THSD7A: variants seen among roughly 807,000 people sequenced by gnomAD.
THSD7A encodes the protein thrombospondin type-1 domain-containing protein 7A.
In THSD7A, 96 loss-of-function variants were observed where a neutral mutation model predicts 231.3. The observed-to-expected ratio is 0.41, with a 90% CI of 0.35 to 0.49. The LOEUF is 0.49. Ranked by LOEUF, THSD7A falls within the 20% of genes least tolerant of loss-of-function variation. The pLI, the probability that THSD7A is intolerant of heterozygous loss-of-function variation, is 0.05. For synonymous variants in THSD7A, 940 were observed against 743.3 expected, an observed-to-expected ratio of 1.26 and a Z score of -4.30; for missense variants, 2,290 against 2,070.2, an observed-to-expected ratio of 1.11 and a Z score of -2.06.
intron 11 of THSD7A, among the ~76,000 whole-genome samples, chr7:11,459,761 A>G (rs1283439613): frequency 1.4e-5 from 2 of 144,530 alleles, no homozygotes; most frequent in African/African-American, 5.0e-5. Flanking sequence ...CAGAAAATGA[A>G]GTCCCAGATC....
intron 1 of THSD7A, among the ~76,000 whole-genome samples, chr7:11,681,627 C>T (rs115473920): frequency 0.016 from 2,499 of 151,754 alleles, 73 homozygotes; most frequent in African/African-American, 0.058. Flanking sequence ...GAGAACAAAC[C>T]TACGACTCAC....
intron 6 of THSD7A, among the ~76,000 whole-genome samples, chr7:11,536,629 TAGG>T (rs1562695547): frequency 2.0e-5 from 3 of 152,182 alleles, no homozygotes; most frequent in African/African-American, 7.2e-5. Context: ...GGAATGGTTT[TAGG>T]AGCTCAAGAC....
At chr7:11,746,391 T>C (rs1278343539) in intron 1 of THSD7A, among the ~76,000 whole-genome samples, 1 of 151,872 alleles carries the variant, frequency 6.6e-6, no homozygotes, top group Non-Finnish European at 1.5e-5. Flanking sequence ...TCCACTGATG[T>C]CCTTTTTCTG....
chr7:11,770,535 G>C (rs1783188743), intron 1 of THSD7A, among the ~76,000 whole-genome samples: 1 of 152,074 alleles, frequency 6.6e-6, no homozygotes, highest in Admixed American at 6.6e-5. Context: ...GTTATCAACT[G>C]GAAACTGACA....
chr7:11,514,257 C>A (rs554825198), intron 6 of THSD7A, among the ~76,000 whole-genome samples: 1 of 152,244 alleles, frequency 6.6e-6, no homozygotes, highest in African/African-American at 2.4e-5. Flanking sequence ...CTTGTTTACT[C>A]ATTTATTGCC....
At chr7:11,794,098 CT>C (rs1784048013) in intron 1 of THSD7A, among the ~76,000 whole-genome samples, 1 of 151,744 alleles carries the variant, frequency 6.6e-6, no homozygotes. Context: ...TTCTATATTC[CT>C]TTACTTAATT....
intron 11 of THSD7A, among the ~76,000 whole-genome samples, chr7:11,460,241 TAATTC>T (rs768878531): frequency 4.6e-5 from 7 of 152,202 alleles, no homozygotes; most frequent in Non-Finnish European, 1.0e-4. Context: ...AAAAGTTAAC[TAATTC>T]TATTACATTG....
intron 6 of THSD7A, among the ~76,000 whole-genome samples, chr7:11,532,919 G>T (rs933384015): frequency 4.6e-5 from 7 of 152,214 alleles, no homozygotes; most frequent in Non-Finnish European, 1.0e-4. Flanking sequence ...AAATTAATCT[G>T]GGATATAGCT....
chr7:11,475,589 G>GTATATAACATATATATAACA (rs979612290), intron 7 of THSD7A, among the ~76,000 whole-genome samples: 7 of 143,946 alleles, frequency 4.9e-5, no homozygotes, highest in African/African-American at 9.9e-5. Flanking sequence ...TAACATATAT[G>GTATATAACATATATATAACA]TATATAACAT....
At chr7:11,633,821 C>A (rs554404192) in intron 2 of THSD7A, among the ~76,000 whole-genome samples, 2 of 152,256 alleles carry the variant, frequency 1.3e-5, no homozygotes, top group East Asian at 3.9e-4. Flanking sequence ...TCTGCCTCCC[C>A]AGATTCTTGG....
chr7:11,748,815 A>G (rs1254628877), intron 1 of THSD7A, among the ~76,000 whole-genome samples: 2 of 152,132 alleles, frequency 1.3e-5, no homozygotes, highest in African/African-American at 4.8e-5. Flanking sequence ...ATACAAACTT[A>G]TAAATTATTT....
chr7:11,507,678 A>G (rs974363598), intron 6 of THSD7A, among the ~76,000 whole-genome samples: 1 of 151,732 alleles, frequency 6.6e-6, no homozygotes, highest in Non-Finnish European at 1.5e-5. Context: ...CTAATTTGGC[A>G]TATTTTTATA....
chr7:11,635,366 G>A (rs750374763), intron 2 of THSD7A, among the ~76,000 whole-genome samples: 5 of 152,052 alleles, frequency 3.3e-5, no homozygotes, highest in Admixed American at 1.3e-4. Context: ...TTATCCAAGA[G>A]CAAAATTCAA....
chr7:11,491,344 C>A (rs567630390), intron 6 of THSD7A, among the ~76,000 whole-genome samples: 1 of 152,024 alleles, frequency 6.6e-6, no homozygotes, highest in Admixed American at 6.6e-5. Context: ...AGTTGTACTA[C>A]ACAATATTTA....
chr7:11,398,584 T>C (rs1006240118), intron 23 of THSD7A, among the ~76,000 whole-genome samples: 4 of 151,952 alleles, frequency 2.6e-5, no homozygotes, highest in Admixed American at 2.6e-4. Flanking sequence ...AAGAAAAGAA[T>C]ATGTTCTTAT....
At chr7:11,391,303 G>GGAGGAATCTAGA (rs1562571223) in intron 23 of THSD7A, among the ~76,000 whole-genome samples, 1 of 152,232 alleles carries the variant, frequency 6.6e-6, no homozygotes, top group Non-Finnish European at 1.5e-5. Context: ...TGCCCAGAGA[G>GGAGGAATCTAGA]GAGGAATCTA....
At chr7:11,432,703 T>C (rs1747796327) in intron 13 of THSD7A, among the ~76,000 whole-genome samples, 1 of 152,082 alleles carries the variant, frequency 6.6e-6, no homozygotes, top group Non-Finnish European at 1.5e-5. Flanking sequence ...GACTTGTTTA[T>C]TCATTCTATT....
At chr7:11,403,940 G>C (rs1332214257) in intron 22 of THSD7A, among the ~76,000 whole-genome samples, 1 of 151,996 alleles carries the variant, frequency 6.6e-6, no homozygotes, top group Admixed American at 6.6e-5. Flanking sequence ...AAGCTTATTA[G>C]TTCACATACT....
intron 7 of THSD7A, among the ~76,000 whole-genome samples, chr7:11,477,882 T>C (rs1189544693): frequency 1.3e-5 from 2 of 152,220 alleles, no homozygotes; most frequent in African/African-American, 2.4e-5. Flanking sequence ...TATATGTCTA[T>C]ATGTATATAA....
Sources: allele counts gnomAD v4.1 joint callset (sites outside exome capture counted in the v4.1 genomes callset), GRCh38; gene constraint gnomAD v4.1.1; transcripts MANE v1.5; gene names NCBI Gene and HGNC (gene_info 2026-07-23, HGNC 2026-07-21).